DIAPH2: variants seen among roughly 807,000 people sequenced by gnomAD.
DIAPH2 encodes protein diaphanous homolog 2.
A neutral mutation model predicts 92.7 loss-of-function variants in DIAPH2; 35 were observed. The observed-to-expected ratio is 0.38, with a 90% CI of 0.29 to 0.50. The LOEUF (loss-of-function observed/expected upper bound fraction) is 0.50, where lower values mean the gene tolerates loss of function less well. Among genes scored for constraint, DIAPH2 ranks in the 20% least tolerant of loss-of-function variants. DIAPH2 has a pLI of 0.94. For synonymous variants in DIAPH2, 301 were observed against 280.4 expected, an observed-to-expected ratio of 1.07 and a Z score of -0.73; for missense variants, 701 against 819.5, an observed-to-expected ratio of 0.86 and a Z score of 1.77.
intron 23 of DIAPH2, among the ~76,000 whole-genome samples, chrX:97,308,614 C>CTTTT (rs34812351): frequency 4.9e-5 from 2 of 40,928 alleles, no homozygotes; most frequent in African/African-American, 1.5e-4. Context: ...GAAACCCCAT[C>CTTTT]TTTTTTTTTT....
chrX:97,245,997 G>T (rs1459100017), intron 22 of DIAPH2, among the ~76,000 whole-genome samples: 1 of 107,750 alleles, frequency 9.3e-6, no homozygotes, highest in East Asian at 2.9e-4. Context: ...CCACCTCCTG[G>T]GTTTGAGTGA....
At chrX:97,548,012 T>C (rs1356829998) in intron 26 of DIAPH2, among the ~76,000 whole-genome samples, 1 of 112,055 alleles carries the variant, frequency 8.9e-6, no homozygotes, top group Non-Finnish European at 1.9e-5. Flanking sequence ...GAGTTCAGCA[T>C]CAATTCCTGT....
chrX:97,515,956 A>G (rs749352007), intron 26 of DIAPH2, among the ~76,000 whole-genome samples: 3 of 111,647 alleles, frequency 2.7e-5, no homozygotes, highest in South Asian at 3.8e-4. Flanking sequence ...TAATAAACAT[A>G]TAAAATAAGC....
intron 23 of DIAPH2, among the ~76,000 whole-genome samples, chrX:97,327,464 G>A (rs192436238): frequency 1.0e-4 from 11 of 106,551 alleles, no homozygotes; most frequent in Admixed American, 7.0e-4. Flanking sequence ...AGACAGTCTC[G>A]CTCTGTCGCC....
chrX:96,952,430 A>G (rs185589395), intron 15 of DIAPH2, among the ~76,000 whole-genome samples: 1,638 of 112,027 alleles, frequency 0.015, 12 homozygotes, highest in Middle Eastern at 0.023. Context: ...CATTTGCTTC[A>G]GCTTACTTTC....
chrX:97,189,557 C>T (rs1721654981), intron 22 of DIAPH2, among the ~76,000 whole-genome samples: 1 of 107,332 alleles, frequency 9.3e-6, no homozygotes, highest in Admixed American at 1.0e-4. Flanking sequence ...GATATTTTAA[C>T]CCATCTATTG....
At chrX:97,469,296 A>G (rs1336693759) in intron 26 of DIAPH2, among the ~76,000 whole-genome samples, 1 of 112,033 alleles carries the variant, frequency 8.9e-6, no homozygotes, top group African/African-American at 3.2e-5. Context: ...AAGAGTTCAC[A>G]TTCATGAATA....
At chrX:96,805,601 C>T (rs963436115) in intron 4 of DIAPH2, among the ~76,000 whole-genome samples, 2 of 111,052 alleles carry the variant, frequency 1.8e-5, no homozygotes, top group Admixed American at 9.6e-5. Context: ...GGAAGTGCTA[C>T]GTCAAACTTT....
chrX:97,398,049 T>C (rs1020719312), intron 25 of DIAPH2, among the ~76,000 whole-genome samples: 2 of 112,327 alleles, frequency 1.8e-5, no homozygotes, highest in African/African-American at 6.5e-5. Flanking sequence ...GAAAAGTGTA[T>C]GTCTCAGGAC....
At chrX:97,292,389 C>T (rs928702846) in intron 23 of DIAPH2, among the ~76,000 whole-genome samples, 2 of 111,169 alleles carry the variant, frequency 1.8e-5, no homozygotes, top group South Asian at 7.7e-4. Context: ...TTTTCAAAGC[C>T]TCTCATTACA....
At chrX:97,547,006 TAAG>T (rs1426871699) in intron 26 of DIAPH2, among the ~76,000 whole-genome samples, 22 of 112,153 alleles carry the variant, frequency 2.0e-4, no homozygotes, top group African/African-American at 6.8e-4. Flanking sequence ...TCATGCAACT[TAAG>T]AAGAAGTTGT....
chrX:96,740,350 CAAT>C (rs751293546), intron 3 of DIAPH2, among the ~76,000 whole-genome samples: 4 of 112,225 alleles, frequency 3.6e-5, no homozygotes, highest in Non-Finnish European at 7.5e-5. Flanking sequence ...TCACTGAAAA[CAAT>C]GATGACAGCA....
At chrX:97,059,709 A>G (rs145563246) in intron 17 of DIAPH2, among the ~76,000 whole-genome samples, 4,413 of 112,095 alleles carry the variant, frequency 0.039, 86 homozygotes, top group Middle Eastern at 0.065. Context: ...CAGAGAAAAT[A>G]TATTTACTGT....
intron 4 of DIAPH2, among the ~76,000 whole-genome samples, chrX:96,818,127 C>T (rs5949468): frequency 0.11 from 3,256 of 29,757 alleles, 446 homozygotes; most frequent in African/African-American, 0.34. Flanking sequence ...GGCAGGTGCC[C>T]GCCAAAACGC....
intron 25 of DIAPH2, among the ~76,000 whole-genome samples, chrX:97,412,353 A>T (rs2069884991): frequency 8.9e-6 from 1 of 112,384 alleles, no homozygotes; most frequent in Non-Finnish European, 1.9e-5. Flanking sequence ...CTTTGAAACC[A>T]GTGAGAACAA....
chrX:97,487,091 G>T (rs1233622244), intron 26 of DIAPH2, among the ~76,000 whole-genome samples: 1 of 111,911 alleles, frequency 8.9e-6, no homozygotes, highest in East Asian at 2.8e-4. Context: ...CATATGGCAG[G>T]ATTTCTTTCT....
At chrX:96,888,527 C>G (rs1292960702) in intron 5 of DIAPH2, among the ~76,000 whole-genome samples, 1 of 98,240 alleles carries the variant, frequency 1.0e-5, no homozygotes, top group African/African-American at 3.7e-5. Flanking sequence ...ATACATATAT[C>G]TATATATATA....
rs377076449 is a variant in DIAPH2, at chrX:96,912,289, T to C, written c.588-39T>C. On this transcript the variant is annotated intron_variant, in intron 5 of 26. Coordinates refer to ENST00000324765, the MANE Select transcript of DIAPH2 (RefSeq NM_006729.5). The stretch of plus-strand genomic sequence containing the variant: ...TGGATATTTAATGTTTTAAAATTAC[T>C]AACTTACTTATACATCTAATTTTTT... 16 of 1,020,165 alleles carry C rather than the reference T, an allele frequency of 1.6e-5. No homozygotes were observed. In the African/African-American group the frequency reaches 2.9e-4, roughly 18 times the overall value. 84.1% of individuals were successfully genotyped at this position (1,020,165 alleles called of 1,213,427 possible). A position where few individuals can be genotyped will look rare whatever the true frequency, so the allele number is the denominator to read the frequency against.
At chrX:97,275,438 A>G (rs1602470601) in intron 23 of DIAPH2, among the ~76,000 whole-genome samples, 1 of 104,736 alleles carries the variant, frequency 9.5e-6, no homozygotes, top group Non-Finnish European at 2.0e-5. Context: ...TTCACCTCCC[A>G]GACGGGGCGG....
Sources: allele counts gnomAD v4.1 joint callset (sites outside exome capture counted in the v4.1 genomes callset), GRCh38; gene constraint gnomAD v4.1.1; transcripts MANE v1.5; gene names NCBI Gene and HGNC (gene_info 2026-07-23, HGNC 2026-07-21).